The following STON2 variants were observed in gnomAD, a reference collection of about 807,000 sequenced individuals.
The protein encoded by STON2 is stonin-2.
In STON2, 29 loss-of-function variants were observed where a neutral mutation model predicts 65.7. That is an observed-to-expected ratio of 0.44 (90% confidence interval 0.33 to 0.60). The LOEUF is 0.60. Ranked by LOEUF, STON2 falls within the 20% of genes least tolerant of loss-of-function variation. STON2 has a pLI of 0.03. For missense variants in STON2, 1,054 were observed against 1,118.1 expected (o/e 0.94, Z 0.82); for synonymous variants, 404 against 414.2 (o/e 0.98, Z 0.30).
At chr14:81,410,302 A>C (rs924792916) in intron 2 of STON2, among the ~76,000 whole-genome samples, 3 of 150,968 alleles carry the variant, frequency 2.0e-5, no homozygotes, top group South Asian at 2.1e-4. Flanking sequence ...AAAAAAAAAA[A>C]AAAAACAGAA....
chr14:81,362,744 C>T (rs767854933), intron 4 of STON2, among the ~76,000 whole-genome samples: 3 of 151,952 alleles, frequency 2.0e-5, no homozygotes, highest in Non-Finnish European at 4.4e-5. Flanking sequence ...CTTTGTACCC[C>T]ATAAATACAT....
At chr14:81,321,041 T>C (rs1236543950) in intron 5 of STON2, among the ~76,000 whole-genome samples, 1 of 152,206 alleles carries the variant, frequency 6.6e-6, no homozygotes, top group African/African-American at 2.4e-5. Context: ...TGCCAGACTG[T>C]GACCACTTAG....
At chr14:81,408,314 C>A (rs1279905563) in intron 2 of STON2, among the ~76,000 whole-genome samples, 1 of 152,042 alleles carries the variant, frequency 6.6e-6, no homozygotes, top group East Asian at 1.9e-4. Flanking sequence ...AGGAGACCAC[C>A]CAATCTTCTT....
At position 81,398,524 on chromosome 14, in the gene STON2, C is replaced by T; in HGVS notation, c.-142G>A. On this transcript the variant is annotated 5_prime_UTR_variant, in exon 2 of 8. Coordinates refer to ENST00000614646, the MANE Select transcript of STON2 (RefSeq NM_001394390.1). Reference sequence around the variant, plus strand: ...TCTAGGTGTCTTGCCAAGGGCAGTACTCAGAATGTAGACAGATCAGCCTCT... The same window carrying T: ...TCTAGGTGTCTTGCCAAGGGCAGTATTCAGAATGTAGACAGATCAGCCTCT... 5.1e-6 allele frequency: 3 copies of T among 592,766 alleles called. No individual in the cohort carries two copies. Among genetic ancestry groups the T allele is most frequent in the Non-Finnish European group, 9.0e-6 (3 of 331,724 alleles). 36.7% of individuals were successfully genotyped at this position (592,766 alleles called of 1,614,324 possible).
intron 4 of STON2, among the ~76,000 whole-genome samples, chr14:81,337,447 C>A (rs1283601804): frequency 1.3e-5 from 2 of 152,098 alleles, no homozygotes; most frequent in African/African-American, 4.8e-5. Flanking sequence ...CCAAATCAGA[C>A]AAATCATTTC....
Position 81,262,459 on chromosome 14 carries a change from A to G in STON2, c.*5955T>C. The G allele has an allele frequency of 1.0e-6, 1 of 985,260 alleles. No homozygotes were observed. The highest frequency in any genetic ancestry group is 1.2e-6 in the Non-Finnish European group (1 of 829,784). 61.0% of individuals were successfully genotyped at this position (985,260 alleles called of 1,614,324 possible). ...ACTATGCAATCTTTATTTTTCCTGGAGCTTCTTACTTTTAACTTTAAGAGA... is the reference window on the plus strand; with the variant it reads ...ACTATGCAATCTTTATTTTTCCTGGGGCTTCTTACTTTTAACTTTAAGAGA... On this transcript the variant is annotated 3_prime_UTR_variant, in exon 8 of 8. Transcript: ENST00000614646.
At chr14:81,404,753 C>T (rs1022593603), upstream of STON2, among the ~76,000 whole-genome samples, 1 of 152,182 alleles carries the variant, frequency 6.6e-6, no homozygotes, top group Non-Finnish European at 1.5e-5. Flanking sequence ...GCAATCCTCC[C>T]ACCTCAGTCT....
intron 2 of STON2, among the ~76,000 whole-genome samples, chr14:81,424,641 T>C (rs977001126): frequency 1.1e-4 from 17 of 152,284 alleles, no homozygotes; most frequent in Non-Finnish European, 1.8e-4. Flanking sequence ...GCATTCCTTA[T>C]AGTGGGAGGA....
intron 5 of STON2, among the ~76,000 whole-genome samples, chr14:81,290,757 G>A (rs944028977): frequency 1.3e-5 from 2 of 152,120 alleles, no homozygotes; most frequent in Non-Finnish European, 2.9e-5. Flanking sequence ...TATGCAGTAG[G>A]CCTGTCTTTT....
At chr14:81,319,611 AT>A (rs1896750343) in intron 5 of STON2, among the ~76,000 whole-genome samples, 1 of 151,798 alleles carries the variant, frequency 6.6e-6, no homozygotes. Flanking sequence ...ATGAACTGGA[AT>A]CACTGCATCT....
intron 1 of STON2, among the ~76,000 whole-genome samples, chr14:81,433,871 T>C (rs1407514005): frequency 6.6e-6 from 1 of 152,202 alleles, no homozygotes; most frequent in Non-Finnish European, 1.5e-5. Context: ...TGGGGGTTAC[T>C]TGTTATTTAC....
intron 5 of STON2, among the ~76,000 whole-genome samples, chr14:81,282,459 C>T (rs1211653517): frequency 6.6e-6 from 1 of 152,084 alleles, no homozygotes; most frequent in African/African-American, 2.4e-5. Context: ...TTAAATCCTA[C>T]CAGACAAATA....
chr14:81,371,272 C>A, intron 3 of STON2, 87 bp from the exon 4 acceptor site: 2 of 1,241,572 alleles, frequency 1.6e-6, no homozygotes, highest in South Asian at 2.7e-5. Context: ...TGATGTTGCT[C>A]ACATCATATG....
chr14:81,389,479 T>C (rs1383384543), intron 3 of STON2, among the ~76,000 whole-genome samples: 1 of 152,210 alleles, frequency 6.6e-6, no homozygotes, highest in Non-Finnish European at 1.5e-5. Context: ...ATCTGACTGA[T>C]GGAAATTAAT....
At chr14:81,410,798 A>G (rs948836555) in intron 2 of STON2, among the ~76,000 whole-genome samples, 6 of 152,232 alleles carry the variant, frequency 3.9e-5, no homozygotes, top group Non-Finnish European at 7.3e-5. Context: ...ACAGTAAAAA[A>G]TGGGAGGAGA....
intron 4 of STON2, among the ~76,000 whole-genome samples, chr14:81,360,477 T>C (rs539177079): frequency 6.6e-6 from 1 of 152,244 alleles, no homozygotes; most frequent in East Asian, 1.9e-4. Context: ...TTCAACATTC[T>C]TTAATGATAA....
Position 81,370,966 on chromosome 14 carries a change from C to G in STON2, c.571+22G>C. ...CACCAAAAGTGATTTGCAAAGCCCT[C>G]TGGCTTAGAGCTCCATCTTACCAGT... On this transcript the variant is annotated intron_variant, in intron 4 of 7. Transcript: ENST00000614646. 2.5e-6 allele frequency: 4 copies of G among 1,608,080 alleles called. 1 individual carries two copies. In the South Asian group the frequency reaches 3.3e-5, roughly 13 times the overall value.
chr14:81,314,052 T>C (rs1245878177), intron 5 of STON2, among the ~76,000 whole-genome samples: 1 of 152,172 alleles, frequency 6.6e-6, no homozygotes, highest in Non-Finnish European at 1.5e-5. Flanking sequence ...GCCTTGCAAA[T>C]TGTAAGACTT....
At chr14:81,324,932 CAATT>C (rs1476789416) in intron 4 of STON2, among the ~76,000 whole-genome samples, 2 of 152,150 alleles carry the variant, frequency 1.3e-5, no homozygotes, top group Non-Finnish European at 1.5e-5. Flanking sequence ...GTACTTGCCT[CAATT>C]AACCCTAAAA....
Sources: gnomAD v4.1 joint callset for allele counts (sites outside exome capture counted in the v4.1 genomes callset) on GRCh38, gnomAD v4.1.1 for gene constraint, MANE v1.5 for transcripts, NCBI Gene and HGNC (gene_info 2026-07-23, HGNC 2026-07-21) for gene names.